The following ZC3HAV1 variants were observed in gnomAD, a reference collection of about 807,000 sequenced individuals.
The protein encoded by ZC3HAV1 is zinc finger CCCH-type containing, antiviral 1, also known as zinc finger CCCH-type antiviral protein 1.
In ZC3HAV1, 41 loss-of-function variants were observed where a neutral mutation model predicts 86.6. That is an observed-to-expected ratio of 0.47 (90% CI 0.37 to 0.61). The LOEUF is 0.61. Among genes scored for constraint, ZC3HAV1 ranks in the 20% least tolerant of loss-of-function variants. The probability of loss-of-function intolerance (pLI) is 0.00; values close to 1 mark genes in which losing one functional copy is unlikely to be tolerated. For synonymous variants in ZC3HAV1, 421 were observed against 432.1 expected, an observed-to-expected ratio of 0.97 and a Z score of 0.32; for missense variants, 964 against 1,141.1, an observed-to-expected ratio of 0.84 and a Z score of 2.24.
rs1385676435 is a variant in ZC3HAV1 at position 139,044,394 on chromosome 7, T to A, written c.*3200A>T. 16 of 152,212 alleles carry A rather than the reference T, an allele frequency of 1.1e-4. No individual in the cohort carries two copies. The highest frequency in any genetic ancestry group is 1.9e-4 in the Non-Finnish European group (13 of 68,042). 9.4% of individuals were successfully genotyped at this position (152,212 alleles called of 1,614,324 possible). ...CATCTGTCTGTTTCAAACAGCGTAG[T>A]CATGCCTGAGCGTTTACATAATGAA... is the stretch of plus-strand genomic sequence containing the variant. On this transcript the variant is annotated 3_prime_UTR_variant, in exon 13 of 13. Transcript: ENST00000242351.
intron 1 of ZC3HAV1, among the ~76,000 whole-genome samples, chr7:139,104,774 A>C (rs184385207): frequency 1.3e-5 from 2 of 148,874 alleles, no homozygotes; most frequent in Non-Finnish European, 3.0e-5. Flanking sequence ...GCGGTGGCTC[A>C]TGCCTGTAAT....
chr7:139,052,107 TTTCTC>T (rs1816139276), intron 12 of ZC3HAV1, among the ~76,000 whole-genome samples: 1 of 152,050 alleles, frequency 6.6e-6, no homozygotes, highest in African/African-American at 2.4e-5. Context: ...TTCATAAATA[TTTCTC>T]TTTTTTTCTT....
intron 2 of ZC3HAV1, among the ~76,000 whole-genome samples, chr7:139,084,469 A>G (rs1182613378): frequency 6.6e-6 from 1 of 152,266 alleles, no homozygotes; most frequent in African/African-American, 2.4e-5. Context: ...AAGATTGCCT[A>G]AAGAAGATAA....
chr7:139,102,938 A>ATATATGTATATGTATATG (rs57404294), intron 1 of ZC3HAV1, among the ~76,000 whole-genome samples: 43 of 146,690 alleles, frequency 2.9e-4, no homozygotes, highest in Middle Eastern at 3.5e-3. Flanking sequence ...AAAAGTATAT[A>ATATATGTATATGTATATG]TATATGTATA....
rs1170926421 is a variant in ZC3HAV1, at chr7:139,053,523, A to C, written c.2377T>G (p.Tyr793Asp). ...KLLFYATSRA[Y>D]VESICSNNFD... ...TTATTCGAACAGATAGATTCCACAT[A>C]GGCACGGCTTGTCGCATAAAATAGG... The change falls in exon 12 of 13, where the codon TAT (tyrosine) becomes GAT (aspartate). Residue 793 changes from tyrosine to aspartate, a missense_variant. Tyr to Asp is a radical substitution (Grantham distance 160, BLOSUM62 -3). Transcript: ENST00000242351. 12 of 1,605,822 alleles carry C rather than the reference A, an allele frequency of 7.5e-6. No individual in the cohort carries two copies. Among genetic ancestry groups the C allele is most frequent in the Admixed American group, 1.7e-5 (1 of 57,450 alleles).
At chr7:139,102,910 T>A (rs567058608) in intron 1 of ZC3HAV1, among the ~76,000 whole-genome samples, 5 of 146,916 alleles carry the variant, frequency 3.4e-5, no homozygotes, top group African/African-American at 1.3e-4. Context: ...CAGAACAAGA[T>A]CCTGTCTCAA....
At position 139,109,116 on chromosome 7, in the gene ZC3HAV1, G is replaced by A. The variant is rs1818027120; in HGVS notation, c.216C>T (p.Val72=). Residue 72 remains valine (V), a synonymous_variant, in exon 1 of 13, where the codon GTC becomes GTT. Coordinates refer to ENST00000242351, the MANE Select transcript of ZC3HAV1 (RefSeq NM_020119.4). ...RSVVATTRAR[V]CRRKYCQRPC... is the part of the protein sequence containing the mutation. ...GTCTCTGGCAGTACTTGCGACGGCA[G>A]ACCCGGGCTCGAGTGGTGGCCACCA... 1 of 1,592,620 alleles carries A rather than the reference G, an allele frequency of 6.3e-7. No individual in the cohort carries two copies. The highest frequency in any genetic ancestry group is 8.6e-7 in the Non-Finnish European group (1 of 1,169,306).
At position 139,052,616 on chromosome 7, in the gene ZC3HAV1, A is replaced by C. The variant is rs975835567; in HGVS notation, c.2449+835T>G. 2.3e-4 allele frequency among the ~76,000 whole-genome samples: 34 copies of C among 149,522 alleles called. 1 individual carries two copies. Among genetic ancestry groups the C allele is most frequent in the African/African-American group, 7.6e-4 (31 of 40,596 alleles). On this transcript the variant is annotated intron_variant, in intron 12 of 12. Coordinates refer to ENST00000242351, the MANE Select transcript of ZC3HAV1 (RefSeq NM_020119.4). ...GCGAAACTCTGTCTCCAAAAAAAAA[A>C]AAAAAAAAAAAAAGAGTTGCATGCA...
At chr7:139,050,567 A>C (rs1816093689) in intron 12 of ZC3HAV1, among the ~76,000 whole-genome samples, 1 of 152,044 alleles carries the variant, frequency 6.6e-6, no homozygotes, top group South Asian at 2.1e-4. Flanking sequence ...GGGGGGTTTC[A>C]CCATGTTGGT....
intron 7 of ZC3HAV1, among the ~76,000 whole-genome samples, chr7:139,068,280 C>A (rs978377465): frequency 6.6e-6 from 1 of 151,950 alleles, no homozygotes; most frequent in Admixed American, 6.6e-5. Flanking sequence ...GGCTGGTCTC[C>A]AATTTCTGAC....
intron 1 of ZC3HAV1, among the ~76,000 whole-genome samples, chr7:139,096,387 C>G (rs969960452): frequency 6.6e-6 from 1 of 152,108 alleles, no homozygotes; most frequent in Non-Finnish European, 1.5e-5. Context: ...TTCTCCCCAC[C>G]ACCCGCCACA....
At chr7:139,080,643 A>G (rs1172557485) in intron 3 of ZC3HAV1, among the ~76,000 whole-genome samples, 6 of 152,148 alleles carry the variant, frequency 3.9e-5, no homozygotes, top group Non-Finnish European at 7.4e-5. Context: ...ACGTCATTCC[A>G]TGGCCTAGGA....
Position 139,108,913 on chromosome 7 carries a change from T to C in ZC3HAV1, c.308+111A>G. On this transcript the variant is annotated intron_variant, in intron 1 of 12. Transcript: ENST00000242351. The surrounding 1 kb of genome is among the most constrained non-coding windows in gnomAD (Gnocchi z 4.2). ...GAAGGGAGTGGCTGGAGGCGGAGGC[T>C]GTCAGGTGCGGGGTCCCGGCGAAGC... is the stretch of plus-strand genomic sequence containing the variant. 3 of 1,347,810 alleles carry C rather than the reference T, an allele frequency of 2.2e-6. No individual in the cohort carries two copies. The highest frequency in any genetic ancestry group is 3.0e-6 in the Non-Finnish European group (3 of 1,008,254). The allele number at this position is 1,347,810 out of a possible 1,614,324, so 83.5% of individuals were successfully genotyped here. A position where few individuals can be genotyped will look rare whatever the true frequency, so the allele number is the denominator to read the frequency against.
At chr7:139,105,363 T>C (rs1817905581) in intron 1 of ZC3HAV1, among the ~76,000 whole-genome samples, 1 of 152,234 alleles carries the variant, frequency 6.6e-6, no homozygotes, top group South Asian at 2.1e-4. Flanking sequence ...CCTTAGGAGC[T>C]ATCCTAAAGA....
chr7:139,047,538 G>T lies in ZC3HAV1; in HGVS notation c.*56C>A. 1 of 1,603,176 alleles carries T rather than the reference G, an allele frequency of 6.2e-7. No individual in the cohort carries two copies. The highest frequency in any genetic ancestry group is 8.5e-7 in the Non-Finnish European group (1 of 1,175,152). On this transcript the variant is annotated 3_prime_UTR_variant, in exon 13 of 13. Transcript: ENST00000242351. ...TTTAACTCCTGTCTGCGGCAATTTAGTTCTGTAAAGGAACAGAATGGTTAT... is the reference window on the plus strand; with the variant it reads ...TTTAACTCCTGTCTGCGGCAATTTATTTCTGTAAAGGAACAGAATGGTTAT...
At chr7:139,060,391 A>T (rs1816408284) in intron 9 of ZC3HAV1, 1 of 987,168 alleles carries the variant, frequency 1.0e-6, no homozygotes, top group Non-Finnish European at 1.2e-6. Flanking sequence ...AGTTACAATG[A>T]ATCCCCCACA....
At chr7:139,052,196 G>A (rs924026311) in intron 12 of ZC3HAV1, among the ~76,000 whole-genome samples, 3 of 149,182 alleles carry the variant, frequency 2.0e-5, no homozygotes, top group African/African-American at 7.5e-5. Context: ...TGTTACATAT[G>A]TGTACCTGCG....
At chr7:139,053,684 A>G in intron 11 of ZC3HAV1, 103 bp from the exon 12 acceptor site, 1 of 1,426,614 alleles carries the variant, frequency 7.0e-7, no homozygotes, top group East Asian at 2.4e-5. Context: ...ATTTCACTCC[A>G]TCAGCTTTCA....
intron 5 of ZC3HAV1, 79 bp downstream of exon 5, chr7:139,078,473 T>G: frequency 3.8e-6 from 4 of 1,063,912 alleles, no homozygotes; most frequent in Non-Finnish European, 5.5e-6. Context: ...AGAAGGCATT[T>G]GCACACCCAT....
Sources: gnomAD v4.1 joint callset for allele counts (sites outside exome capture counted in the v4.1 genomes callset) on GRCh38, gnomAD v4.1.1 for gene constraint, Gnocchi (gnomAD v3.1) non-coding constraint, MANE v1.5 for transcripts, NCBI Gene and HGNC (gene_info 2026-07-23, HGNC 2026-07-21) for gene names.